Variants in POLR2F observed in about 807,000 individuals in gnomAD.
POLR2F encodes the protein DNA-directed RNA polymerases I, II, and III subunit RPABC2.
A neutral mutation model predicts 22.7 loss-of-function variants in POLR2F; 12 were observed. The observed-to-expected ratio is 0.53, with a 90% CI of 0.34 to 0.86. The LOEUF (loss-of-function observed/expected upper bound fraction) is 0.86. Among genes scored for constraint, POLR2F ranks in the 40% least tolerant of loss-of-function variants. The probability of loss-of-function intolerance (pLI) is 0.02; values close to 1 mark genes in which losing one functional copy is unlikely to be tolerated. For missense variants in POLR2F, 126 were observed against 171.5 expected (o/e 0.73, Z 1.48); for synonymous variants, 57 against 66.0 (o/e 0.86, Z 0.66).
chr22:37,994,785 C>T (rs554141334), intron 1 of POLR2F, among the ~76,000 whole-genome samples: 11 of 152,028 alleles, frequency 7.2e-5, no homozygotes, highest in South Asian at 4.1e-4. Context: ...GGATTACAGG[C>T]GTGAGCCACC....
chr22:37,998,533 G>A (rs963666256), intron 1 of POLR2F, among the ~76,000 whole-genome samples: 1 of 152,200 alleles, frequency 6.6e-6, no homozygotes, highest in Non-Finnish European at 1.5e-5. Context: ...TGGTCCTGCT[G>A]TCCCACCCTG....
intron 1 of POLR2F, chr22:37,987,297 G>T: frequency 2.2e-6 from 1 of 456,690 alleles, no homozygotes; most frequent in Non-Finnish European, 4.4e-6. Flanking sequence ...GCAGGTCCCG[G>T]ATTTACTCAG....
At chr22:38,003,329 C>T (rs1051050661) in intron 1 of POLR2F, among the ~76,000 whole-genome samples, 4 of 151,946 alleles carry the variant, frequency 2.6e-5, no homozygotes, top group African/African-American at 4.8e-5. Context: ...CGGGTTCGAG[C>T]GATTCTCCCG....
chr22:38,022,568 A>AAAAG (rs1469554072), intron 1 of POLR2F, among the ~76,000 whole-genome samples: 9 of 151,230 alleles, frequency 6.0e-5, no homozygotes, highest in African/African-American at 1.9e-4. Flanking sequence ...AAAAAAAAAA[A>AAAAG]AAAGAAAGAA....
intron 1 of POLR2F, among the ~76,000 whole-genome samples, chr22:37,993,945 C>T (rs567508841): frequency 6.6e-5 from 10 of 152,160 alleles, no homozygotes; most frequent in Non-Finnish European, 1.3e-4. Flanking sequence ...GCCGAGATCG[C>T]GCCACTGCAC....
intron 1 of POLR2F, among the ~76,000 whole-genome samples, chr22:38,013,184 C>T (rs1284398627): frequency 6.6e-6 from 1 of 151,832 alleles, no homozygotes; most frequent in Non-Finnish European, 1.5e-5. Flanking sequence ...TTCTCACTGT[C>T]GTCCAGGCTG....
At chr22:38,030,869 C>A (rs1049891820), downstream of POLR2F, among the ~76,000 whole-genome samples, 2 of 152,110 alleles carry the variant, frequency 1.3e-5, no homozygotes, top group Non-Finnish European at 2.9e-5. Context: ...TCCCACCCCA[C>A]CCCCAGCTCA....
At position 37,954,797 on chromosome 22, in the gene POLR2F, T is replaced by C. The variant is rs75972000; in HGVS notation, c.20+990T>C. 7.2e-5 allele frequency among the ~76,000 whole-genome samples: 11 copies of C among 152,286 alleles called. No homozygotes were observed. The East Asian group carries it at 2.1e-3, about 29-fold the overall frequency. The stretch of plus-strand genomic sequence containing the variant: ...AGAAACGTGTGGGATTGCTACCCCA[T>C]TCCCAGTGAGTGTCAGTAGAGAAGA... On this transcript the variant is annotated intron_variant, in intron 1 of 4. Transcript: ENST00000442738.
intron 3 of POLR2F, among the ~76,000 whole-genome samples, chr22:37,960,219 T>C (rs2145736287): frequency 6.6e-6 from 1 of 151,364 alleles, no homozygotes; most frequent in African/African-American, 2.4e-5. Flanking sequence ...GCTCAAGCAA[T>C]TTTCTTTTCT....
intron 1 of POLR2F, among the ~76,000 whole-genome samples, chr22:37,998,801 G>A (rs1304989049): frequency 1.3e-5 from 2 of 151,902 alleles, no homozygotes; most frequent in East Asian, 1.9e-4. Context: ...AGCACTGATC[G>A]ACTCCCAGAG....
downstream of POLR2F, among the ~76,000 whole-genome samples, chr22:38,028,535 CGCATACGTGTGTGCATGTATGTGTGT>C (rs1254748812): frequency 4.2e-4 from 64 of 151,566 alleles, no homozygotes; most frequent in African/African-American, 1.5e-3. Context: ...TGTGTGTGTG[CGCATACGTGTGTGCATGTATGTGTGT>C]GCATACGTGT....
At chr22:37,979,659 G>C (rs1464836283) in intron 4 of POLR2F, among the ~76,000 whole-genome samples, 3 of 152,112 alleles carry the variant, frequency 2.0e-5, no homozygotes, top group South Asian at 2.1e-4. Flanking sequence ...CCAACACATG[G>C]AGAGAAGAAG....
Position 37,968,112 on chromosome 22 carries a change from C to T in POLR2F, c.*397C>T. 1.0e-6 allele frequency: 1 copy of T among 995,618 alleles called. No homozygotes were observed. Among genetic ancestry groups the T allele is most frequent in the Non-Finnish European group, 1.2e-6 (1 of 835,990 alleles). 61.7% of individuals were successfully genotyped at this position (995,618 alleles called of 1,614,324 possible). On this transcript the variant is annotated 3_prime_UTR_variant, in exon 5 of 5. Transcript: ENST00000442738. ...GTGGGGACTGGCTGCAGGGGCTTCT[C>T]CCTTCTCAGGAGTATCACAGAGCAG...
chr22:38,031,315 G>T (rs1340086552), downstream of POLR2F, among the ~76,000 whole-genome samples: 1 of 152,142 alleles, frequency 6.6e-6, no homozygotes, highest in African/African-American at 2.4e-5. This position sits in a 1 kb window ranked among gnomAD's most constrained non-coding sequence, Gnocchi z 4.1. Flanking sequence ...TCTTGGCACG[G>T]AGGAGCCTAC....
downstream of POLR2F, among the ~76,000 whole-genome samples, chr22:38,031,198 C>T (rs959374594): frequency 2.0e-5 from 3 of 152,156 alleles, no homozygotes; most frequent in Non-Finnish European, 4.4e-5. The surrounding 1 kb of genome is among the most constrained non-coding windows in gnomAD (Gnocchi z 4.1). Flanking sequence ...GTCATTCCAT[C>T]TGCAGGGCCC....
intron 1 of POLR2F, among the ~76,000 whole-genome samples, chr22:37,998,276 G>T (rs995832078): frequency 2.6e-5 from 4 of 152,250 alleles, no homozygotes; most frequent in South Asian, 2.1e-4. Flanking sequence ...TCAGAGACCT[G>T]CCCTGACAGG....
At chr22:37,995,067 C>T (rs538122777) in intron 1 of POLR2F, among the ~76,000 whole-genome samples, 2 of 152,150 alleles carry the variant, frequency 1.3e-5, no homozygotes, top group South Asian at 2.1e-4. Context: ...GAGCTGCTTC[C>T]GACTCTGCCA....
chr22:38,031,589 A>C (rs2085066745), downstream of POLR2F, among the ~76,000 whole-genome samples: 1 of 152,126 alleles, frequency 6.6e-6, no homozygotes, highest in Non-Finnish European at 1.5e-5. The surrounding 1 kb of genome is among the most constrained non-coding windows in gnomAD (Gnocchi z 4.1). Flanking sequence ...CCCCACCAGC[A>C]CCAACACCCT....
At chr22:38,038,026 T>G (rs2085133249) in intron 5 of POLR2F, among the ~76,000 whole-genome samples, 4 of 151,504 alleles carry the variant, frequency 2.6e-5, no homozygotes. Context: ...TAGGTGCTCA[T>G]GAACAGTAGC....
Sources: gnomAD v4.1 joint callset for allele counts (sites outside exome capture counted in the v4.1 genomes callset) on GRCh38, gnomAD v4.1.1 for gene constraint, Gnocchi (gnomAD v3.1) non-coding constraint, MANE v1.5 for transcripts, NCBI Gene and HGNC (gene_info 2026-07-23, HGNC 2026-07-21) for gene names.